Variants in SLC7A1 observed in about 807,000 individuals in gnomAD.
The protein encoded by SLC7A1 is solute carrier family 7 member 1, also known as high affinity cationic amino acid transporter 1.
In SLC7A1, 10 loss-of-function variants were observed where a neutral mutation model predicts 53.9. That is an observed-to-expected ratio of 0.19 (90% CI 0.11 to 0.31). The LOEUF is 0.31. Ranked by LOEUF, SLC7A1 falls within the 10% of genes least tolerant of loss-of-function variation. SLC7A1 has a pLI of 1.00. For synonymous variants in SLC7A1, 342 were observed against 338.7 expected (o/e 1.01, Z -0.11); for missense variants, 525 against 827.2 (o/e 0.63, Z 4.48).
intron 1 of SLC7A1, among the ~76,000 whole-genome samples, chr13:29,563,217 G>T (rs1870835374): frequency 6.6e-6 from 1 of 152,224 alleles, no homozygotes; most frequent in Admixed American, 6.5e-5. Flanking sequence ...TGGTCAACTA[G>T]CAGGCAGAGG....
intron 1 of SLC7A1, among the ~76,000 whole-genome samples, chr13:29,565,898 T>A (rs573498957): frequency 6.6e-6 from 1 of 152,290 alleles, no homozygotes; most frequent in East Asian, 1.9e-4. Context: ...AGAGAAGGGA[T>A]CCTGCGGTTC....
At position 29,583,518 on chromosome 13, in the gene SLC7A1, G is replaced by C. The variant is rs568931241; in HGVS notation, c.-115+11898C>G. 2.0e-5 allele frequency among the ~76,000 whole-genome samples: 3 copies of C among 152,246 alleles called. No homozygotes were observed. In the South Asian group the frequency reaches 6.2e-4, roughly 32 times the overall value. On this transcript the variant is annotated intron_variant, in intron 1 of 12. Coordinates refer to ENST00000380752, the MANE Select transcript of SLC7A1 (RefSeq NM_003045.5). Reference sequence around the variant, plus strand: ...TTCCAGCAACTCAAACTCTATGCAGGGTGACTCAGCAAGACCTCCCTTGCA... The same window carrying C: ...TTCCAGCAACTCAAACTCTATGCAGCGTGACTCAGCAAGACCTCCCTTGCA...
chr13:29,533,444 C>T (rs886507308), intron 3 of SLC7A1, among the ~76,000 whole-genome samples: 1 of 152,166 alleles, frequency 6.6e-6, no homozygotes, highest in East Asian at 1.9e-4. Flanking sequence ...TTTCTAGGAA[C>T]CCCTTGGCTG....
At position 29,517,136 on chromosome 13, in the gene SLC7A1, C is replaced by A. The variant is rs767713364; in HGVS notation, c.1677+8G>T. ...ACCAGGGTTCCTTCCCTAGGCCGAG[C>A]TGCTCACCTTAAATGAGAGCTTGGT... On this transcript the variant is annotated splice_region_variant and intron_variant, in intron 11 of 12. Coordinates refer to ENST00000380752, the MANE Select transcript of SLC7A1 (RefSeq NM_003045.5). The A allele has an allele frequency of 2.5e-6, 4 of 1,590,102 alleles. No homozygotes were observed. Among genetic ancestry groups the A allele is most frequent in the Admixed American group, 3.5e-5 (2 of 57,396 alleles).
At chr13:29,595,211 C>A (rs1377303015) in intron 1 of SLC7A1, among the ~76,000 whole-genome samples, 1 of 152,062 alleles carries the variant, frequency 6.6e-6, no homozygotes, top group Non-Finnish European at 1.5e-5. Context: ...AGGCGACAGT[C>A]GCATGGGCAC....
chr13:29,530,780 A>G (rs1348694185), intron 4 of SLC7A1, 68 bp from the exon 5 acceptor site: 2 of 1,376,096 alleles, frequency 1.5e-6, no homozygotes, highest in African/African-American at 2.9e-5. Flanking sequence ...TCCTTCCTGG[A>G]TGGGGATAAG....
chr13:29,593,942 G>A (rs1264006485), intron 1 of SLC7A1, among the ~76,000 whole-genome samples: 3 of 152,160 alleles, frequency 2.0e-5, no homozygotes, highest in Non-Finnish European at 4.4e-5. Context: ...ATCGTAATAT[G>A]CTAAACCTAT....
At chr13:29,542,841 C>T (rs918574632) in intron 2 of SLC7A1, among the ~76,000 whole-genome samples, 16 of 151,858 alleles carry the variant, frequency 1.1e-4, no homozygotes, top group Admixed American at 6.6e-4. Flanking sequence ...GTGCAGTGAG[C>T]GGCAGAGAAA....
intron 9 of SLC7A1, 51 bp from the exon 10 acceptor site, chr13:29,517,841 C>G (rs759181013): frequency 1.4e-6 from 2 of 1,443,918 alleles, no homozygotes; most frequent in South Asian, 1.1e-5. Flanking sequence ...AGCAAAATGA[C>G]GTGCACCAAC....
chr13:29,523,557 C>A, intron 6 of SLC7A1, 69 bp from the exon 7 acceptor site: 4 of 1,195,652 alleles, frequency 3.3e-6, no homozygotes, highest in Non-Finnish European at 3.7e-6. Context: ...ACATGACACC[C>A]AAGGCCTCTC....
chr13:29,514,397 C>A lies in SLC7A1; in HGVS notation c.*83G>T. On this transcript the variant is annotated 3_prime_UTR_variant, in exon 13 of 13. Transcript: ENST00000380752. ...GTGGACGCAGGTGGTTTCTGTTGCA[C>A]TGGTGGGGAGGGTGGGGTGCCTCCC... 2.1e-6 allele frequency: 2 copies of A among 967,768 alleles called. No homozygotes were observed. The highest frequency in any genetic ancestry group is 1.4e-5 in the South Asian group (1 of 73,128). 59.9% of individuals were successfully genotyped at this position (967,768 alleles called of 1,614,324 possible). A position where few individuals can be genotyped will look rare whatever the true frequency, so the allele number is the denominator to read the frequency against.
intron 1 of SLC7A1, among the ~76,000 whole-genome samples, chr13:29,585,124 G>T (rs928761092): frequency 1.3e-5 from 2 of 152,198 alleles, no homozygotes; most frequent in African/African-American, 4.8e-5. Flanking sequence ...ACACAGGTCT[G>T]CCCTGAAAAC....
intron 4 of SLC7A1, among the ~76,000 whole-genome samples, chr13:29,531,822 A>C (rs894708350): frequency 1.1e-4 from 16 of 152,202 alleles, no homozygotes; most frequent in Non-Finnish European, 8.8e-5. Flanking sequence ...TGACAGAACA[A>C]GACTCTGTCT....
intron 4 of SLC7A1, 27 bp from the exon 5 acceptor site, chr13:29,530,739 T>C (rs1869111021): frequency 6.2e-7 from 1 of 1,603,744 alleles, no homozygotes; most frequent in Admixed American, 1.7e-5. Context: ...ACACAAAACT[T>C]TGTCTGAGTG....
At chr13:29,538,193 G>C (rs1245769181) in intron 2 of SLC7A1, among the ~76,000 whole-genome samples, 1 of 152,180 alleles carries the variant, frequency 6.6e-6, no homozygotes, top group Non-Finnish European at 1.5e-5. Flanking sequence ...TGTCAAACAG[G>C]GTCACAGGCT....
At chr13:29,547,112 G>C (rs1308168972) in intron 2 of SLC7A1, among the ~76,000 whole-genome samples, 1 of 152,172 alleles carries the variant, frequency 6.6e-6, no homozygotes, top group Non-Finnish European at 1.5e-5. Flanking sequence ...TCTCCCTGCT[G>C]CCTGATAATT....
At chr13:29,553,493 T>C (rs2139135645) in intron 2 of SLC7A1, among the ~76,000 whole-genome samples, 1 of 152,294 alleles carries the variant, frequency 6.6e-6, no homozygotes, top group Non-Finnish European at 1.5e-5. Flanking sequence ...TATGAAGAGT[T>C]CTGTCTGAAG....
At chr13:29,593,231 G>A (rs1007716948) in intron 1 of SLC7A1, among the ~76,000 whole-genome samples, 1 of 152,196 alleles carries the variant, frequency 6.6e-6, no homozygotes, top group Non-Finnish European at 1.5e-5. Flanking sequence ...CAGCAACTCC[G>A]ATGTGCTTGG....
Position 29,514,656 on chromosome 13 carries a change from G to C in SLC7A1, c.1787-73C>G, listed in dbSNP as rs535981367. 7.9e-5 allele frequency: 94 copies of C among 1,190,070 alleles called. 1 individual carries two copies. The South Asian group carries it at 1.2e-3, about 15-fold the overall frequency. The allele number at this position is 1,190,070 out of a possible 1,614,324, so 73.7% of individuals were successfully genotyped here. A position where few individuals can be genotyped will look rare whatever the true frequency, so the allele number is the denominator to read the frequency against. On this transcript the variant is annotated intron_variant, in intron 12 of 12. Coordinates refer to ENST00000380752, the MANE Select transcript of SLC7A1 (RefSeq NM_003045.5). Reference sequence around the variant, plus strand: ...CACCGCAGGCAGGGCTCAGAGCCCAGGGCGGTCCCACAGCAAACCCTCTCA... The same window carrying C: ...CACCGCAGGCAGGGCTCAGAGCCCACGGCGGTCCCACAGCAAACCCTCTCA...
Sources: gnomAD v4.1 joint callset for allele counts (sites outside exome capture counted in the v4.1 genomes callset) on GRCh38, gnomAD v4.1.1 for gene constraint, MANE v1.5 for transcripts, NCBI Gene and HGNC (gene_info 2026-07-23, HGNC 2026-07-21) for gene names.